The following WASF3 variants were observed in gnomAD, a reference collection of about 807,000 sequenced individuals.
The protein encoded by WASF3 is actin-binding protein WASF3.
WASF3 carries 11 observed loss-of-function variants against 46.6 expected under a neutral mutation model. That is an observed-to-expected ratio of 0.24 (90% CI 0.15 to 0.39). WASF3 has a LOEUF of 0.39. WASF3 is among the 10% of genes least tolerant of loss of function. WASF3 has a pLI of 1.00. For missense variants in WASF3, 576 were observed against 669.8 expected (o/e 0.86, Z 1.55); for synonymous variants, 242 against 259.7 (o/e 0.93, Z 0.65).
chr13:26,596,448 TTCA>T (rs1880465479), intron 1 of WASF3, among the ~76,000 whole-genome samples: 1 of 152,190 alleles, frequency 6.6e-6, no homozygotes, highest in African/African-American at 2.4e-5. Flanking sequence ...AACATGTCAG[TTCA>T]TCATATTCTG....
At chr13:26,573,910 A>C (rs539004281) in intron 1 of WASF3, among the ~76,000 whole-genome samples, 16 of 152,190 alleles carry the variant, frequency 1.1e-4, no homozygotes, top group Non-Finnish European at 1.9e-4. Flanking sequence ...GAAATAAATC[A>C]TTATTATGTA....
At chr13:26,643,777 G>A (rs138861654) in intron 3 of WASF3, among the ~76,000 whole-genome samples, 28 of 152,224 alleles carry the variant, frequency 1.8e-4, no homozygotes, top group African/African-American at 6.3e-4. Flanking sequence ...TGTAATAATC[G>A]GCGGAGTGTT....
chr13:26,638,155 C>T (rs1489509342), intron 2 of WASF3: 9 of 152,214 alleles, frequency 5.9e-5, no homozygotes, highest in Admixed American at 4.6e-4. Flanking sequence ...CAGCTTTTCT[C>T]GGTTATTTCA....
intron 6 of WASF3, among the ~76,000 whole-genome samples, chr13:26,673,405 T>G (rs750373600): frequency 4.3e-4 from 65 of 152,280 alleles, no homozygotes; most frequent in Non-Finnish European, 8.2e-4. Flanking sequence ...TTGAATGCCT[T>G]CTAAATGCTG....
chr13:26,553,145 G>A (rs1328731446), upstream of WASF3, among the ~76,000 whole-genome samples: 3 of 152,128 alleles, frequency 2.0e-5, no homozygotes, highest in African/African-American at 4.8e-5. Flanking sequence ...TGTGGGCCCC[G>A]GACTGGCTTC....
intron 2 of WASF3, among the ~76,000 whole-genome samples, chr13:26,624,181 A>G (rs1881395952): frequency 6.6e-6 from 1 of 152,256 alleles, no homozygotes; most frequent in Non-Finnish European, 1.5e-5. Context: ...TAACTTAGAT[A>G]TGGGAACTTA....
At chr13:26,606,697 G>A (rs1176525234) in intron 1 of WASF3, 2 of 152,008 alleles carry the variant, frequency 1.3e-5, no homozygotes, top group Non-Finnish European at 2.9e-5. Flanking sequence ...TTGGTGATAA[G>A]AGTTTATCTT....
chr13:26,568,049 G>A (rs1036609212), intron 1 of WASF3, among the ~76,000 whole-genome samples: 1 of 152,086 alleles, frequency 6.6e-6, no homozygotes, highest in African/African-American at 2.4e-5. Flanking sequence ...GGAGGGCAGT[G>A]TGAATAGGGG....
chr13:26,664,723 G>A (rs150790840), intron 3 of WASF3, among the ~76,000 whole-genome samples: 84 of 152,354 alleles, frequency 5.5e-4, no homozygotes, highest in Non-Finnish European at 1.0e-3. Flanking sequence ...CACTTAAAGC[G>A]TGAAAAATGA....
intron 6 of WASF3, among the ~76,000 whole-genome samples, chr13:26,672,795 G>T (rs151277336): frequency 6.6e-6 from 1 of 152,184 alleles, no homozygotes; most frequent in Non-Finnish European, 1.5e-5. Flanking sequence ...GCATTGAGGT[G>T]TGTTGGCCCA....
At chr13:26,600,699 G>T (rs1880616159) in intron 1 of WASF3, among the ~76,000 whole-genome samples, 1 of 152,178 alleles carries the variant, frequency 6.6e-6, no homozygotes, top group South Asian at 2.1e-4. Flanking sequence ...AGATGTTTTA[G>T]CTCCTCTTTC....
At chr13:26,567,602 C>T (rs1341351064) in intron 1 of WASF3, among the ~76,000 whole-genome samples, 1 of 152,086 alleles carries the variant, frequency 6.6e-6, no homozygotes, top group Non-Finnish European at 1.5e-5. Context: ...TGGCTCTTTA[C>T]AGTAAAAATT....
chr13:26,665,535 T>TAC (rs1265787226), intron 4 of WASF3, among the ~76,000 whole-genome samples: 1 of 152,234 alleles, frequency 6.6e-6, no homozygotes, highest in African/African-American at 2.4e-5. Context: ...GAGACAGTGT[T>TAC]ACACATACCT....
At chr13:26,667,481 C>A (rs761389915) in intron 4 of WASF3, 36 bp from the exon 5 acceptor site, 23 of 1,577,272 alleles carry the variant, frequency 1.5e-5, no homozygotes, top group Non-Finnish European at 1.8e-5. Flanking sequence ...AAAAATATTT[C>A]TATATAACTC....
chr13:26,674,887 C>G (rs932692678), intron 6 of WASF3, among the ~76,000 whole-genome samples: 6 of 152,226 alleles, frequency 3.9e-5, no homozygotes, highest in African/African-American at 1.4e-4. Context: ...CAGGCCTTCT[C>G]CAGTCCTGGA....
At chr13:26,612,266 A>G (rs1478221248) in intron 1 of WASF3, among the ~76,000 whole-genome samples, 8 of 152,216 alleles carry the variant, frequency 5.3e-5, no homozygotes, top group Non-Finnish European at 7.3e-5. Context: ...GAATGGATGC[A>G]TGTTCACTAA....
chr13:26,571,337 T>C (rs1879627367), intron 1 of WASF3, among the ~76,000 whole-genome samples: 1 of 152,204 alleles, frequency 6.6e-6, no homozygotes, highest in South Asian at 2.1e-4. Context: ...ATAGAGGGAT[T>C]CACCAATATT....
upstream of WASF3, among the ~76,000 whole-genome samples, chr13:26,554,319 G>T (rs1021949199): frequency 2.0e-5 from 3 of 151,754 alleles, no homozygotes; most frequent in Non-Finnish European, 2.9e-5. Flanking sequence ...TTGCAAAGAT[G>T]GGAATCTCAC....
rs564725267 is a variant in WASF3, at chr13:26,642,494, G to A, written c.133+91G>A. On this transcript the variant is annotated intron_variant, in intron 3 of 9. Coordinates refer to ENST00000335327, the MANE Select transcript of WASF3 (RefSeq NM_006646.6). ...TAAATGATTGTCCAAAGAAGAGATT[G>A]CAGCTTTAAGGAAAAGATCCTTTCT... The A allele has an allele frequency of 1.2e-5, 17 of 1,407,026 alleles. No homozygotes were observed. In the African/African-American group the frequency reaches 2.5e-4, roughly 21 times the overall value. 87.2% of individuals were successfully genotyped at this position (1,407,026 alleles called of 1,614,324 possible).
Sources: gnomAD v4.1 joint callset for allele counts (sites outside exome capture counted in the v4.1 genomes callset) on GRCh38, gnomAD v4.1.1 for gene constraint, MANE v1.5 for transcripts, NCBI Gene and HGNC (gene_info 2026-07-23, HGNC 2026-07-21) for gene names.